Variants in GRIA1 observed in about 807,000 individuals in gnomAD.
The protein encoded by GRIA1 is glutamate receptor 1.
In GRIA1, 31 loss-of-function variants were observed where a neutral mutation model predicts 99.2. The observed-to-expected ratio is 0.31, with a 90% CI of 0.23 to 0.42. The LOEUF (loss-of-function observed/expected upper bound fraction) is 0.42. Among genes scored for constraint, GRIA1 ranks in the 10% least tolerant of loss-of-function variants. The pLI, the probability that GRIA1 is intolerant of heterozygous loss-of-function variation, is 1.00. For synonymous variants in GRIA1, 438 were observed against 432.4 expected (o/e 1.01, Z -0.16); for missense variants, 782 against 1,157.5 (o/e 0.68, Z 4.71).
intron 2 of GRIA1, among the ~76,000 whole-genome samples, chr5:153,513,453 C>T (rs1469167331): frequency 2.0e-5 from 3 of 152,254 alleles, no homozygotes; most frequent in African/African-American, 4.8e-5. Flanking sequence ...AGGAGATGCA[C>T]GGGGTATTTG....
chr5:153,677,230 A>C, intron 7 of GRIA1, 69 bp downstream of exon 7: 2 of 1,244,558 alleles, frequency 1.6e-6, no homozygotes, highest in Non-Finnish European at 1.0e-6. Flanking sequence ...AATTCCAATA[A>C]AACACAGCTA....
chr5:153,658,977 G>A (rs2042256), intron 5 of GRIA1, among the ~76,000 whole-genome samples: 61,210 of 151,208 alleles, frequency 0.4, 13,030 homozygotes, highest in Non-Finnish European at 0.45. Context: ...ACAAAACAAA[G>A]CAAAACAAAA....
chr5:153,649,971 A>G (rs1285055684), intron 3 of GRIA1, among the ~76,000 whole-genome samples: 2 of 152,244 alleles, frequency 1.3e-5, no homozygotes, highest in African/African-American at 4.8e-5. Flanking sequence ...TCTGCTATGT[A>G]TCAAACATTC....
At position 153,564,775 on chromosome 5, in the gene GRIA1, G is replaced by T. The variant is rs76055831; in HGVS notation, c.220+70710G>T. Among the ~76,000 whole-genome samples, 22 of 152,172 alleles carry T rather than the reference G, an allele frequency of 1.4e-4. No individual in the cohort carries two copies. In the East Asian group the frequency reaches 4.1e-3, roughly 28 times the overall value. The stretch of plus-strand genomic sequence containing the variant: ...GAGAGAGAGAGTAAAGAATTCCAAA[G>T]GTTGCCATGTTTGTCTAACCCTGCT... On this transcript the variant is annotated intron_variant, in intron 2 of 15. Coordinates refer to ENST00000285900, the MANE Select transcript of GRIA1 (RefSeq NM_000827.4).
rs543361138 is a variant in GRIA1 at position 153,633,988 on chromosome 5, G to A, written c.221-12940G>A. On this transcript the variant is annotated intron_variant, in intron 2 of 15. Coordinates refer to ENST00000285900, the MANE Select transcript of GRIA1 (RefSeq NM_000827.4). Reference sequence around the variant, plus strand: ...CAAAATAATTAAAGATAGAGATAAGGTATGATGGAAAGAAACAAGGTACCG... The same window carrying A: ...CAAAATAATTAAAGATAGAGATAAGATATGATGGAAAGAAACAAGGTACCG... Among the ~76,000 whole-genome samples the A allele has an allele frequency of 1.0e-3, 153 of 152,116 alleles. 1 individual carries two copies. The highest frequency in any genetic ancestry group is 3.6e-3 in the African/African-American group (148 of 41,492).
At chr5:153,789,601 G>A (rs1765174370) in intron 13 of GRIA1, among the ~76,000 whole-genome samples, 1 of 152,126 alleles carries the variant, frequency 6.6e-6, no homozygotes, top group Non-Finnish European at 1.5e-5. Context: ...TTGTTAGTCT[G>A]TAAAATCATT....
chr5:153,745,589 C>CAAAAAAAAAAAA (rs58166158), intron 11 of GRIA1, among the ~76,000 whole-genome samples: 8 of 100,872 alleles, frequency 7.9e-5, no homozygotes, highest in African/African-American at 1.5e-4. Flanking sequence ...AACTCTGTCT[C>CAAAAAAAAAAAA]AAAAAAAAAA....
intron 15 of GRIA1, among the ~76,000 whole-genome samples, chr5:153,809,212 A>G (rs1766644365): frequency 6.6e-6 from 1 of 152,258 alleles, no homozygotes; most frequent in African/African-American, 2.4e-5. Context: ...GGTGAGGATA[A>G]GTAACCATTA....
chr5:153,695,737 C>A (rs1195783981), intron 8 of GRIA1, among the ~76,000 whole-genome samples: 1 of 152,220 alleles, frequency 6.6e-6, no homozygotes, highest in Non-Finnish European at 1.5e-5. Flanking sequence ...AACAGCATCC[C>A]TCACAGGGAA....
intron 2 of GRIA1, among the ~76,000 whole-genome samples, chr5:153,598,087 A>G (rs1242411319): frequency 2.6e-5 from 4 of 152,094 alleles, no homozygotes; most frequent in Admixed American, 2.6e-4. Context: ...TATAATGACC[A>G]TTGTATAAAT....
chr5:153,555,642 G>A (rs911680917), intron 2 of GRIA1, among the ~76,000 whole-genome samples: 1 of 152,144 alleles, frequency 6.6e-6, no homozygotes, highest in Non-Finnish European at 1.5e-5. Context: ...GCCATGGAAA[G>A]CTTAGGGCGG....
chr5:153,700,584 G>T (rs1302604200), intron 10 of GRIA1, among the ~76,000 whole-genome samples: 1 of 152,124 alleles, frequency 6.6e-6, no homozygotes, highest in Non-Finnish European at 1.5e-5. Flanking sequence ...GGATGATTCA[G>T]TGGGCATTGG....
intron 8 of GRIA1, among the ~76,000 whole-genome samples, chr5:153,695,645 C>T (rs1050247776): frequency 1.3e-5 from 2 of 152,232 alleles, no homozygotes; most frequent in Non-Finnish European, 2.9e-5. Context: ...ATTCTTCAGT[C>T]CCCTTCCAGT....
Position 153,674,669 on chromosome 5 carries a change from G to A in GRIA1, c.861+8G>A. On this transcript the variant is annotated splice_region_variant and intron_variant, in intron 6 of 15. Transcript: ENST00000285900. The stretch of plus-strand genomic sequence containing the variant: ...GACTGGAAGAGACCCAAGGTGAGTG[G>A]ATGGGCAGCCAGCAGCAAAGGGCCA... The A allele has an allele frequency of 6.2e-7, 1 of 1,613,370 alleles. No homozygotes were observed. Among genetic ancestry groups the A allele is most frequent in the African/African-American group, 1.3e-5 (1 of 75,038 alleles).
At chr5:153,809,953 C>T (rs140170052) in intron 15 of GRIA1, among the ~76,000 whole-genome samples, 83 of 152,222 alleles carry the variant, frequency 5.5e-4, no homozygotes, top group Admixed American at 1.2e-3. Context: ...CACCAAGAAA[C>T]CAAACCCCAC....
At chr5:153,798,474 A>G (rs2149666406) in intron 14 of GRIA1, among the ~76,000 whole-genome samples, 1 of 152,370 alleles carries the variant, frequency 6.6e-6, no homozygotes, top group African/African-American at 2.4e-5. Flanking sequence ...TAAACATAAC[A>G]GAAAATTGTA....
chr5:153,600,868 T>C (rs887403959), intron 2 of GRIA1, among the ~76,000 whole-genome samples: 4 of 152,222 alleles, frequency 2.6e-5, no homozygotes, highest in East Asian at 3.8e-4. Flanking sequence ...AGTTTAACTG[T>C]AGCTTCAGCT....
intron 11 of GRIA1, among the ~76,000 whole-genome samples, chr5:153,750,920 A>C (rs1433688154): frequency 1.3e-5 from 2 of 152,156 alleles, no homozygotes; most frequent in East Asian, 3.9e-4. Flanking sequence ...AAGATGATGA[A>C]ACCCCGTCTC....
chr5:153,658,806 TCGGAATGC>T (rs1755141608), intron 5 of GRIA1, among the ~76,000 whole-genome samples: 1 of 152,172 alleles, frequency 6.6e-6, no homozygotes, highest in Admixed American at 6.5e-5. Context: ...TCTGTCCCTG[TCGGAATGC>T]ATGAGCTTCA....
Sources: gnomAD v4.1 joint callset for allele counts (sites outside exome capture counted in the v4.1 genomes callset) on GRCh38, gnomAD v4.1.1 for gene constraint, MANE v1.5 for transcripts, NCBI Gene and HGNC (gene_info 2026-07-23, HGNC 2026-07-21) for gene names.